PCDH15: variants seen among roughly 807,000 people sequenced by gnomAD.
PCDH15 encodes the protein protocadherin related 15.
PCDH15 carries 129 observed loss-of-function variants against 178.5 expected under a neutral mutation model. The observed-to-expected ratio is 0.72, with a 90% CI of 0.63 to 0.84. The LOEUF is 0.84. PCDH15 is among the 40% of genes least tolerant of loss of function. The pLI is 0.00. For missense variants in PCDH15, 2,230 were observed against 2,099.9 expected (o/e 1.06, Z -1.21); for synonymous variants, 800 against 732.0 (o/e 1.09, Z -1.50).
At chr10:54,429,741 A>G (rs1956741050) in intron 3 of PCDH15, among the ~76,000 whole-genome samples, 2 of 152,178 alleles carry the variant, frequency 1.3e-5, no homozygotes, top group Admixed American at 1.3e-4. Flanking sequence ...GAGAAAAAGA[A>G]GGTAATTATA....
At chr10:53,956,891 T>C (rs1290437466) in intron 23 of PCDH15, among the ~76,000 whole-genome samples, 1 of 152,204 alleles carries the variant, frequency 6.6e-6, no homozygotes, top group Non-Finnish European at 1.5e-5. Flanking sequence ...TTAATAGTTC[T>C]ATGCAGAGAC....
At chr10:53,926,214 C>T (rs1295697067) in intron 25 of PCDH15, among the ~76,000 whole-genome samples, 4 of 152,172 alleles carry the variant, frequency 2.6e-5, no homozygotes, top group African/African-American at 9.7e-5. Context: ...TTCATTCTAT[C>T]TCTCTCCAAG....
At chr10:55,513,092 AG>A (rs1359876985) in intron 2 of PCDH15, 6 of 152,278 alleles carry the variant, frequency 3.9e-5, no homozygotes, top group African/African-American at 1.2e-4. Flanking sequence ...AGACGTAAAA[AG>A]TAATCGTTGA....
At chr10:54,689,955 G>A (rs866280449) in intron 1 of PCDH15, among the ~76,000 whole-genome samples, 5 of 152,126 alleles carry the variant, frequency 3.3e-5, no homozygotes, top group African/African-American at 7.2e-5. Context: ...AGACAAAAAC[G>A]TTTTGAACAT....
In PCDH15 at chr10:54,414,193, C is replaced by T. The variant is rs1430357458; in HGVS notation, c.158-35251G>A. Among the ~76,000 whole-genome samples, 7 of 152,152 alleles carry T rather than the reference C, an allele frequency of 4.6e-5. No individual in the cohort carries two copies. The East Asian group carries it at 1.2e-3, about 25-fold the overall frequency. ...GATATAAGAAGAAACAATAACATGT[C>T]CTAGAAGGCCAAAAACTGAAGACTT... is the stretch of plus-strand genomic sequence containing the variant. On this transcript the variant is annotated intron_variant, in intron 3 of 37. Coordinates refer to ENST00000644397, the MANE Select transcript of PCDH15 (RefSeq NM_001384140.1).
At chr10:55,430,521 T>C (rs946622831) in intron 2 of PCDH15, among the ~76,000 whole-genome samples, 1 of 152,184 alleles carries the variant, frequency 6.6e-6, no homozygotes, top group Non-Finnish European at 1.5e-5. Context: ...AGTAAGTTCC[T>C]AATGATAATT....
At chr10:54,017,814 A>C (rs375844871) in intron 20 of PCDH15, among the ~76,000 whole-genome samples, 1 of 152,296 alleles carries the variant, frequency 6.6e-6, no homozygotes. Context: ...AATGTAAAAT[A>C]AGACACTAAA....
At chr10:55,481,899 T>G (rs2132118638) in intron 2 of PCDH15, among the ~76,000 whole-genome samples, 1 of 152,010 alleles carries the variant, frequency 6.6e-6, no homozygotes, top group Non-Finnish European at 1.5e-5. Flanking sequence ...GTTAATTTTC[T>G]GTCTCAGTGA....
intron 3 of PCDH15, among the ~76,000 whole-genome samples, chr10:54,867,598 T>C (rs1953963593): frequency 1.3e-5 from 2 of 152,120 alleles, no homozygotes; most frequent in Non-Finnish European, 1.5e-5. Context: ...TTCAAGAAGA[T>C]ATGGGTTCTT....
At chr10:54,436,036 G>GAAA (rs2075377500) in intron 3 of PCDH15, among the ~76,000 whole-genome samples, 3 of 22,574 alleles carry the variant, frequency 1.3e-4, no homozygotes, top group African/African-American at 8.3e-4. Flanking sequence ...GGAGAGGAGA[G>GAAA]AGAGAGAGAG....
chr10:55,163,628 A>G (rs1472024595), intron 2 of PCDH15, among the ~76,000 whole-genome samples: 1 of 152,144 alleles, frequency 6.6e-6, no homozygotes, highest in Non-Finnish European at 1.5e-5. Context: ...AGAAGCTGCC[A>G]AACAAAATCT....
intron 2 of PCDH15, among the ~76,000 whole-genome samples, chr10:55,048,944 T>C (rs1053224914): frequency 4.6e-5 from 7 of 151,968 alleles, no homozygotes; most frequent in East Asian, 3.9e-4. Flanking sequence ...TGTTATTCAA[T>C]AGCTTATTTA....
At chr10:54,763,964 G>T (rs372531790) in intron 1 of PCDH15, among the ~76,000 whole-genome samples, 1 of 151,504 alleles carries the variant, frequency 6.6e-6, no homozygotes, top group East Asian at 1.9e-4. Context: ...TAACGTATTA[G>T]ATCTAATTTT....
chr10:54,617,000 A>T (rs1485862746), intron 2 of PCDH15, among the ~76,000 whole-genome samples: 1 of 151,272 alleles, frequency 6.6e-6, no homozygotes, highest in Non-Finnish European at 1.5e-5. Context: ...ACTGTTGTTT[A>T]TCATGAATTT....
chr10:54,528,410 C>T (rs754170139), intron 2 of PCDH15: 76 of 1,570,860 alleles, frequency 4.8e-5, no homozygotes, highest in Admixed American at 1.3e-4. Flanking sequence ...AGTCTGGAGT[C>T]AAAAGTATAG....
At chr10:54,077,253 G>A (rs1033977308) in intron 17 of PCDH15, among the ~76,000 whole-genome samples, 6 of 152,174 alleles carry the variant, frequency 3.9e-5, no homozygotes, top group African/African-American at 7.2e-5. Context: ...ATGAGGAAAC[G>A]AGGACCTAGA....
chr10:54,154,929 G>C (rs1354225086), intron 13 of PCDH15, among the ~76,000 whole-genome samples: 3 of 152,272 alleles, frequency 2.0e-5, no homozygotes, highest in African/African-American at 7.2e-5. Context: ...TATTTATAGA[G>C]AGCTATTCAA....
In PCDH15 at chr10:53,804,747, A is replaced by G. The variant is rs182925594; in HGVS notation, c.*1832T>C. On this transcript the variant is annotated 3_prime_UTR_variant, in exon 38 of 38. Transcript: ENST00000644397. ...ATCTAATTCCTATACAAAGTATCCT[A>G]TACTAAAAACCATTGCTTTGGTGCC... 6.6e-6 allele frequency: 1 copy of G among 152,002 alleles called. No homozygotes were observed. The highest frequency in any genetic ancestry group is 2.4e-5 in the African/African-American group (1 of 41,424). The allele number at this position is 152,002 out of a possible 1,614,324, so 9.4% of individuals were successfully genotyped here.
chr10:54,959,776 T>C (rs1404067242), intron 2 of PCDH15, among the ~76,000 whole-genome samples: 2 of 152,146 alleles, frequency 1.3e-5, no homozygotes, highest in Admixed American at 1.3e-4. Context: ...ATAAAAATTA[T>C]TCTGTAGGAA....
Sources: allele counts gnomAD v4.1 joint callset (sites outside exome capture counted in the v4.1 genomes callset), GRCh38; gene constraint gnomAD v4.1.1; transcripts MANE v1.5; gene names NCBI Gene and HGNC (gene_info 2026-07-23, HGNC 2026-07-21).